The following OPTC variants were observed in gnomAD, a reference collection of about 807,000 sequenced individuals.
OPTC encodes opticin.
Under a neutral mutation model 25.4 loss-of-function variants are expected in OPTC, and 22 were observed. The ratio of observed to expected loss-of-function variants is 0.87; its 90% CI spans 0.62 to 1.24. OPTC has a LOEUF of 1.24. Among genes scored for constraint, OPTC ranks in the 50% most tolerant of loss-of-function variants. The probability of loss-of-function intolerance (pLI) is 0.00; values close to 1 mark genes in which losing one functional copy is unlikely to be tolerated. For missense variants in OPTC, 417 were observed against 425.2 expected (o/e 0.98, Z 0.17); for synonymous variants, 169 against 179.3 (o/e 0.94, Z 0.46).
At chr1:203,499,623 C>T in intron 4 of OPTC, 26 bp from the exon 5 acceptor site, 1 of 1,595,528 alleles carries the variant, frequency 6.3e-7, no homozygotes, top group Non-Finnish European at 8.6e-7. Context: ...TGGTTTCTCT[C>T]TTTGTTCTCC....
At chr1:203,496,603 G>A (rs1320757959) in intron 2 of OPTC, among the ~76,000 whole-genome samples, 2 of 152,158 alleles carry the variant, frequency 1.3e-5, no homozygotes, top group Non-Finnish European at 2.9e-5. Context: ...GGCCTTCACT[G>A]CAGCAGCGTG....
intron 6 of OPTC, among the ~76,000 whole-genome samples, 188 bp downstream of exon 6, chr1:203,503,197 T>C (rs1661419534): frequency 6.6e-6 from 1 of 152,082 alleles, no homozygotes; most frequent in Non-Finnish European, 1.5e-5. Context: ...CCAGTTTGAT[T>C]TTCTCCATTT....
intron 5 of OPTC, among the ~76,000 whole-genome samples, chr1:203,502,055 A>G (rs1171647232): frequency 6.6e-6 from 1 of 152,146 alleles, no homozygotes; most frequent in African/African-American, 2.4e-5. Context: ...AAATGAGGGT[A>G]ATAATACCTG....
chr1:203,504,909 C>T lies in OPTC; in HGVS notation c.*25+1164C>T, dbSNP rs144811088. Reference sequence around the variant, plus strand: ...AAAATAGCAATTACTCACCTTCTGCCTTTTGGATCCTGGGCAGGGGCTACT... The same window carrying T: ...AAAATAGCAATTACTCACCTTCTGCTTTTTGGATCCTGGGCAGGGGCTACT... On this transcript the variant is annotated intron_variant, in intron 7 of 7. Coordinates refer to ENST00000367222, the MANE Select transcript of OPTC (RefSeq NM_014359.4). 9.8e-5 allele frequency among the ~76,000 whole-genome samples: 15 copies of T among 152,310 alleles called. No individual in the cohort carries two copies. The East Asian group carries it at 2.7e-3, about 27-fold the overall frequency.
Position 203,498,818 on chromosome 1 carries a change from G to A in OPTC, c.508G>A (p.Ala170Thr). The A allele has an allele frequency of 6.2e-7, 1 of 1,613,996 alleles. No individual in the cohort carries two copies. The highest frequency in any genetic ancestry group is 8.5e-7 in the Non-Finnish European group (1 of 1,180,020). Reference protein sequence around the residue: ...ARFNRISRIRAEDFKGLTKLK... With the variant: ...ARFNRISRIRTEDFKGLTKLK... ...CTTCAACCGCATCAGCCGTATCAGGGCCGAAGACTTCAAAGGGCTGAGTAT... is the reference window on the plus strand; with the variant it reads ...CTTCAACCGCATCAGCCGTATCAGGACCGAAGACTTCAAAGGGCTGAGTAT... The change falls in exon 4 of 8, where the codon GCC becomes ACC. Residue 170 changes from alanine (A) to threonine (T), a missense_variant. Ala to Thr is a moderately conservative substitution (Grantham distance 58, BLOSUM62 0). Transcript: ENST00000367222.
At chr1:203,503,138 T>G in intron 6 of OPTC, 129 bp downstream of exon 6, 1 of 738,466 alleles carries the variant, frequency 1.4e-6, no homozygotes, top group Middle Eastern at 3.0e-4. Context: ...TTGGAGGGTT[T>G]ATTGGAGACA....
intron 7 of OPTC, among the ~76,000 whole-genome samples, chr1:203,507,424 C>G (rs2102228513): frequency 6.6e-6 from 1 of 152,332 alleles, no homozygotes; most frequent in East Asian, 1.9e-4. Flanking sequence ...AGGTTTGCAT[C>G]ACATCCACCT....
At chr1:203,499,417 G>A (rs968610219) in intron 4 of OPTC, among the ~76,000 whole-genome samples, 1 of 151,958 alleles carries the variant, frequency 6.6e-6, no homozygotes, top group African/African-American at 2.4e-5. Context: ...CAAGATGGAC[G>A]GCCACTGCAC....
intron 4 of OPTC, 90 bp downstream of exon 4, chr1:203,498,929 C>T: frequency 1.4e-6 from 2 of 1,404,338 alleles, no homozygotes; most frequent in Non-Finnish European, 2.0e-6. Flanking sequence ...GTTAGTGCCC[C>T]CCGTGTTAGC....
chr1:203,505,022 T>C (rs1661455976), intron 7 of OPTC, among the ~76,000 whole-genome samples: 1 of 152,142 alleles, frequency 6.6e-6, no homozygotes, highest in African/African-American at 2.4e-5. Flanking sequence ...ATGCCACCCT[T>C]CTCCTGACCG....
At chr1:203,498,536 A>G in intron 3 of OPTC, 145 bp from the exon 4 acceptor site, 2 of 900,890 alleles carry the variant, frequency 2.2e-6, no homozygotes, top group Non-Finnish European at 3.6e-6. Flanking sequence ...AGCACCGTGT[A>G]CATGGTGCCC....
Position 203,500,358 on chromosome 1 carries a change from A to G in OPTC, c.732+507A>G, listed in dbSNP as rs1344778159. 6.3e-5 allele frequency among the ~76,000 whole-genome samples: 3 copies of G among 47,670 alleles called. No homozygotes were observed. The East Asian group carries it at 1.9e-3, about 31-fold the overall frequency. The allele number at this position is 47,670 out of a possible 152,430, so 31.3% of individuals were successfully genotyped here. ...TCCACCTCTATCACCACCCACCTCCACCTCTGCCACCTCTACCACCCACCT... is the reference window on the plus strand; with the variant it reads ...TCCACCTCTATCACCACCCACCTCCGCCTCTGCCACCTCTACCACCCACCT... On this transcript the variant is annotated intron_variant, in intron 5 of 7. Coordinates refer to ENST00000367222, the MANE Select transcript of OPTC (RefSeq NM_014359.4).
chr1:203,502,228 A>G (rs1250915268), intron 5 of OPTC, among the ~76,000 whole-genome samples: 1 of 152,108 alleles, frequency 6.6e-6, no homozygotes, highest in African/African-American at 2.4e-5. Flanking sequence ...TCTGATTAAC[A>G]CTGTCTAATT....
intron 7 of OPTC, among the ~76,000 whole-genome samples, chr1:203,507,821 G>A (rs919893999): frequency 1.8e-4 from 27 of 146,352 alleles, no homozygotes; most frequent in African/African-American, 5.4e-4. Context: ...GGTGGGAGGG[G>A]CTGCTGGAGA....
chr1:203,505,177 T>G (rs923240736), intron 7 of OPTC, among the ~76,000 whole-genome samples: 1 of 152,190 alleles, frequency 6.6e-6, no homozygotes, highest in Non-Finnish European at 1.5e-5. Flanking sequence ...TACGTGGTGA[T>G]AAGATGGTAC....
At chr1:203,501,975 T>TC (rs1661398164) in intron 5 of OPTC, among the ~76,000 whole-genome samples, 3 of 152,150 alleles carry the variant, frequency 2.0e-5, no homozygotes, top group Non-Finnish European at 4.4e-5. Flanking sequence ...AGGCCTGGGC[T>TC]TTGGAGCCAC....
chr1:203,505,369 G>C (rs1306643286), intron 7 of OPTC, among the ~76,000 whole-genome samples: 2 of 152,198 alleles, frequency 1.3e-5, no homozygotes, highest in African/African-American at 4.8e-5. Flanking sequence ...AGAAGATCTT[G>C]CACAACTGAT....
intron 1 of OPTC, among the ~76,000 whole-genome samples, chr1:203,494,581 T>C (rs1429571221): frequency 1.3e-5 from 2 of 151,942 alleles, no homozygotes; most frequent in African/African-American, 4.8e-5. Flanking sequence ...CCCAGGAGGT[T>C]AAGGCTTCAG....
At chr1:203,507,075 C>T (rs2102228185) in intron 7 of OPTC, among the ~76,000 whole-genome samples, 1 of 152,358 alleles carries the variant, frequency 6.6e-6, no homozygotes, top group South Asian at 2.1e-4. Flanking sequence ...ATCTGTCCCT[C>T]TGCACCAGGG....
Sources: gnomAD v4.1 joint callset for allele counts (sites outside exome capture counted in the v4.1 genomes callset) on GRCh38, gnomAD v4.1.1 for gene constraint, MANE v1.5 for transcripts, NCBI Gene and HGNC (gene_info 2026-07-23, HGNC 2026-07-21) for gene names.